Variants in PRKCQ observed in about 807,000 individuals in gnomAD.
PRKCQ encodes protein kinase C theta, also known as protein kinase C theta type.
PRKCQ carries 41 observed loss-of-function variants against 91.2 expected under a neutral mutation model. That is an observed-to-expected ratio of 0.45 (90% confidence interval 0.35 to 0.58). The LOEUF is 0.58. Ranked by LOEUF, PRKCQ falls within the 20% of genes least tolerant of loss-of-function variation. The pLI, the probability that PRKCQ is intolerant of heterozygous loss-of-function variation, is 0.00. For synonymous variants in PRKCQ, 307 were observed against 316.9 expected (o/e 0.97, Z 0.33); for missense variants, 673 against 896.5 (o/e 0.75, Z 3.18).
intron 1 of PRKCQ, among the ~76,000 whole-genome samples, chr10:6,553,506 A>AG (rs764566256): frequency 2.7e-5 from 2 of 73,102 alleles, no homozygotes; most frequent in South Asian, 5.5e-4. Flanking sequence ...AAAAAAAAAA[A>AG]AAAAAAAAAA....
intron 12 of PRKCQ, among the ~76,000 whole-genome samples, chr10:6,478,634 C>A (rs1177287711): frequency 6.6e-6 from 1 of 152,182 alleles, no homozygotes. Context: ...GATCTATTTT[C>A]CAACTTTTAT....
the PRKCQ span, among the ~76,000 whole-genome samples, chr10:6,414,792 GA>G: frequency 1.8e-4 from 25 of 138,552 alleles, no homozygotes; most frequent in East Asian, 4.4e-4. Flanking sequence ...AAGTGATAAA[GA>G]AAAAAAAAAA....
chr10:6,487,692 T>C (rs993643132), intron 8 of PRKCQ, among the ~76,000 whole-genome samples: 1 of 152,114 alleles, frequency 6.6e-6, no homozygotes, highest in African/African-American at 2.4e-5. Flanking sequence ...ATTCAAATTT[T>C]GCTAATGAAA....
intron 4 of PRKCQ, among the ~76,000 whole-genome samples, chr10:6,500,524 T>A (rs1290430645): frequency 4.0e-5 from 6 of 151,812 alleles, no homozygotes; most frequent in Non-Finnish European, 5.9e-5. Context: ...ATAATTTTTT[T>A]AAAATATCAG....
At chr10:6,471,225 G>A (rs1263146903) in intron 12 of PRKCQ, among the ~76,000 whole-genome samples, 2 of 148,992 alleles carry the variant, frequency 1.3e-5, no homozygotes, top group African/African-American at 4.8e-5. Context: ...AAAGAAAAGA[G>A]CGAAACATGC....
chr10:6,441,892 C>G lies in PRKCQ; in HGVS notation c.1836+1G>C. 2 of 1,599,308 alleles carry G rather than the reference C, an allele frequency of 1.3e-6. No individual in the cohort carries two copies. The highest frequency in any genetic ancestry group is 1.7e-6 in the Non-Finnish European group (2 of 1,168,228). ...AAGACGCTCTTGGCTTCGCTTCTTA[C>G]CTTCACCAGAAGGTCCTTTGCTTCC... On this transcript the variant is annotated splice_donor_variant, in intron 16 of 17. Transcript: ENST00000263125. LOFTEE classifies it high-confidence loss of function.
At position 6,511,063 on chromosome 10, in the gene PRKCQ, C is replaced by G; in HGVS notation, c.250G>C (p.Glu84Gln). 6.2e-7 allele frequency: 1 copy of G among 1,614,174 alleles called. No homozygotes were observed. Among genetic ancestry groups the G allele is most frequent in the Non-Finnish European group, 8.5e-7 (1 of 1,180,028 alleles). Residue 84 changes from glutamate (E) to glutamine (Q), a missense_variant, in exon 3 of 18, where the codon GAA becomes CAA. Physicochemically the swap from Glu to Gln is conservative, Grantham distance 29 (BLOSUM62 2). Transcript: ENST00000263125. ...AGCGAGTAGAGCTCCACGGTGGTTTCAGAGATGAGGTCCACGTTTTTGCCT... is the reference window on the plus strand; with the variant it reads ...AGCGAGTAGAGCTCCACGGTGGTTTGAGAGATGAGGTCCACGTTTTTGCCT... ...VKGKNVDLISETTVELYSLAE... is the reference protein window; with the variant it reads ...VKGKNVDLISQTTVELYSLAE...
intron 1 of PRKCQ, among the ~76,000 whole-genome samples, chr10:6,554,343 A>C (rs958103565): frequency 2.0e-5 from 3 of 152,180 alleles, no homozygotes; most frequent in African/African-American, 7.2e-5. Context: ...TGGGAATTAA[A>C]GTGTGGTTGG....
chr10:6,435,619 CT>C (rs1238755721), intron 16 of PRKCQ, among the ~76,000 whole-genome samples: 1 of 152,212 alleles, frequency 6.6e-6, no homozygotes, highest in East Asian at 1.9e-4. Flanking sequence ...AGTGTCCAAT[CT>C]TTTGGCTTCC....
intron 1 of PRKCQ, among the ~76,000 whole-genome samples, chr10:6,571,332 A>T (rs948778010): frequency 6.6e-6 from 1 of 152,166 alleles, no homozygotes; most frequent in Non-Finnish European, 1.5e-5. Flanking sequence ...GCTTTAGTGG[A>T]GGGACAGTGG....
chr10:6,533,611 T>C (rs1218599465), intron 1 of PRKCQ, among the ~76,000 whole-genome samples: 1 of 152,162 alleles, frequency 6.6e-6, no homozygotes, highest in Non-Finnish European at 1.5e-5. Context: ...TCATCCTTCC[T>C]TCTCCCAGCC....
chr10:6,490,407 T>C (rs1007908318), intron 8 of PRKCQ, among the ~76,000 whole-genome samples: 1 of 151,912 alleles, frequency 6.6e-6, no homozygotes, highest in Non-Finnish European at 1.5e-5. Context: ...AAGTGGCTTA[T>C]ATATTTAATA....
chr10:6,419,262 C>T, the PRKCQ span, among the ~76,000 whole-genome samples: 586 of 151,986 alleles, frequency 3.9e-3, 5 homozygotes, highest in Non-Finnish European at 4.7e-3. Context: ...TATGTGTATA[C>T]GTGTGTGTAC....
chr10:6,517,749 G>C (rs1838831744), intron 1 of PRKCQ, among the ~76,000 whole-genome samples: 2 of 151,894 alleles, frequency 1.3e-5, no homozygotes, highest in Admixed American at 1.3e-4. Flanking sequence ...AAACTTAACA[G>C]TAAAGACCTA....
In PRKCQ at chr10:6,576,196, C is replaced by T. The variant is rs1028009220; in HGVS notation, c.-10+4015G>A. ...AGAATTACCCTACGACCCCACAATT[C>T]TACTGCTGGGTACATACCCCAAAGA... On this transcript the variant is annotated intron_variant, in intron 1 of 17. Transcript: ENST00000263125. The surrounding 1 kb of genome is among the most constrained non-coding windows in gnomAD (Gnocchi z 4.2). 6.6e-6 allele frequency among the ~76,000 whole-genome samples: 1 copy of T among 152,230 alleles called. No homozygotes were observed. Among genetic ancestry groups the T allele is most frequent in the Non-Finnish European group, 1.5e-5 (1 of 68,038 alleles).
At chr10:6,401,667 A>G in the PRKCQ span, among the ~76,000 whole-genome samples, 1 of 152,110 alleles carries the variant, frequency 6.6e-6, no homozygotes, top group African/African-American at 2.4e-5. Context: ...TCTGGTCCCA[A>G]AGCTCTGATT....
intron 1 of PRKCQ, among the ~76,000 whole-genome samples, chr10:6,519,317 C>T (rs1205055748): frequency 1.3e-5 from 2 of 152,184 alleles, no homozygotes; most frequent in Non-Finnish European, 2.9e-5. Context: ...CATCTTCACT[C>T]TCCATTCACG....
At chr10:6,423,421 C>A (rs1202701937), downstream of PRKCQ, among the ~76,000 whole-genome samples, 1 of 152,180 alleles carries the variant, frequency 6.6e-6, no homozygotes, top group African/African-American at 2.4e-5. Flanking sequence ...CTCCAGGAGA[C>A]TGAGCAGACG....
At chr10:6,556,230 G>A (rs553326624) in intron 1 of PRKCQ, among the ~76,000 whole-genome samples, 2 of 152,082 alleles carry the variant, frequency 1.3e-5, no homozygotes, top group Non-Finnish European at 2.9e-5. Context: ...AGGGGTTAGA[G>A]ACCAGCCTGG....
Sources: allele counts gnomAD v4.1 joint callset (sites outside exome capture counted in the v4.1 genomes callset), GRCh38; gene constraint gnomAD v4.1.1; non-coding constraint Gnocchi (gnomAD v3.1); transcripts MANE v1.5; gene names NCBI Gene and HGNC (gene_info 2026-07-23, HGNC 2026-07-21).